RYR2: variants seen among roughly 807,000 people sequenced by gnomAD.
The protein encoded by RYR2 is ryanodine receptor 2.
In RYR2, 227 loss-of-function variants were observed where a neutral mutation model predicts 601.1. The observed-to-expected ratio is 0.38, with a 90% CI of 0.34 to 0.42. The LOEUF (loss-of-function observed/expected upper bound fraction) is 0.42, where lower values mean the gene tolerates loss of function less well. RYR2 is among the 10% of genes least tolerant of loss of function. The pLI is 1.00. For missense variants in RYR2, 4,646 were observed against 6,156.5 expected (o/e 0.75, Z 8.21); for synonymous variants, 2,223 against 2,175.1 (o/e 1.02, Z -0.61).
intron 62 of RYR2, among the ~76,000 whole-genome samples, chr1:237,685,446 C>A (rs1024519895): frequency 6.6e-6 from 1 of 152,160 alleles, no homozygotes; most frequent in Non-Finnish European, 1.5e-5. Flanking sequence ...AGACATAGAG[C>A]AGTCTGCCAT....
chr1:237,278,342 C>T (rs563534241), intron 2 of RYR2, among the ~76,000 whole-genome samples: 2 of 142,026 alleles, frequency 1.4e-5, no homozygotes, highest in South Asian at 4.6e-4. Flanking sequence ...CTTCCTTCCT[C>T]AGCCTCCCAA....
chr1:237,082,837 A>G (rs1260925447), intron 1 of RYR2, among the ~76,000 whole-genome samples: 2 of 152,066 alleles, frequency 1.3e-5, no homozygotes, highest in Non-Finnish European at 2.9e-5. Context: ...AGGTGATGTT[A>G]ATTCTTTGAT....
At position 237,640,931 on chromosome 1, in the gene RYR2, A is replaced by G; in HGVS notation, c.7150A>G (p.Met2384Val). Reference sequence around the variant, plus strand: ...GGAGGAGGAAGATGACACTATCCACATGGGGAACGCGATCATGACCTTCTA... The same window carrying G: ...GGAGGAGGAAGATGACACTATCCACGTGGGGAACGCGATCATGACCTTCTA... ...TEEEEDDTIH[M>V]GNAIMTFYSA... The change falls in exon 47 of 105, where the codon ATG becomes GTG. Residue 2384 changes from methionine to valine, a missense_variant. Met to Val is a conservative substitution (Grantham distance 21, BLOSUM62 1). Transcript: ENST00000366574. The G allele has an allele frequency of 6.2e-7, 1 of 1,613,648 alleles. No homozygotes were observed.
At chr1:237,506,632 A>G in intron 22 of RYR2, 78 bp from the exon 23 acceptor site, 1 of 921,434 alleles carries the variant, frequency 1.1e-6, no homozygotes, top group Non-Finnish European at 1.7e-6. Flanking sequence ...ATTTAGTTCA[A>G]TTTGCAGTGA....
intron 12 of RYR2, among the ~76,000 whole-genome samples, chr1:237,423,917 C>G (rs1323160823): frequency 6.6e-6 from 1 of 152,016 alleles, no homozygotes; most frequent in Non-Finnish European, 1.5e-5. Flanking sequence ...CTGGGAAGGC[C>G]TCAGGAAACT....
In RYR2 at chr1:237,182,103, GTTTATTTA is replaced by G. The variant is rs71698093; in HGVS notation, c.49-88366_49-88359del. Among the ~76,000 whole-genome samples the G allele has an allele frequency of 6.2e-3, 928 of 148,622 alleles. 9 individuals are homozygous for G. The highest frequency in any genetic ancestry group is 0.033 in the South Asian group (151 of 4,612). ...ATTATGTGAGATGAAACTCCCTGGG[GTTTATTTA>G]TTTATTTATTTATTTATTTATTTAT... On this transcript the variant is annotated intron_variant, in intron 1 of 104. Transcript: ENST00000366574.
chr1:237,771,934 A>G, intron 85 of RYR2, 78 bp from the exon 86 acceptor site: 1 of 775,472 alleles, frequency 1.3e-6, no homozygotes, highest in East Asian at 2.7e-5. Flanking sequence ...CATAGAAAGC[A>G]TTTGCCTTTG....
At chr1:237,371,028 GC>G (rs759811452) in intron 6 of RYR2, among the ~76,000 whole-genome samples, 188 of 151,702 alleles carry the variant, frequency 1.2e-3, no homozygotes, top group Non-Finnish European at 1.9e-3. Context: ...TTTGGAAGTT[GC>G]AGAAGAAAAA....
intron 93 of RYR2, 151 bp from the exon 94 acceptor site, chr1:237,791,954 C>T (rs1458735031): frequency 4.8e-6 from 3 of 625,178 alleles, no homozygotes; most frequent in Non-Finnish European, 8.3e-6. Flanking sequence ...TTTTGAAAAG[C>T]TATCGTTTTT....
At chr1:237,374,988 T>A (rs1196341518) in intron 7 of RYR2, among the ~76,000 whole-genome samples, 193 bp downstream of exon 7, 1 of 152,214 alleles carries the variant, frequency 6.6e-6, no homozygotes, top group Non-Finnish European at 1.5e-5. Flanking sequence ...CATCATTAGT[T>A]GGATGTTCAA....
At chr1:237,114,611 C>G (rs1669855196) in intron 1 of RYR2, among the ~76,000 whole-genome samples, 1 of 152,158 alleles carries the variant, frequency 6.6e-6, no homozygotes, top group Non-Finnish European at 1.5e-5. Context: ...AAATCATACT[C>G]TTGAGGGAAG....
At chr1:237,805,692 T>A (rs1660561420) in intron 98 of RYR2, among the ~76,000 whole-genome samples, 1 of 104,810 alleles carries the variant, frequency 9.5e-6, no homozygotes, top group South Asian at 3.0e-4. Context: ...TTAATTGACA[T>A]ATTCATGGGG....
At chr1:237,314,438 G>A (rs1353747459) in intron 2 of RYR2, among the ~76,000 whole-genome samples, 1 of 152,120 alleles carries the variant, frequency 6.6e-6, no homozygotes, top group Non-Finnish European at 1.5e-5. Flanking sequence ...TTAAGAAGAA[G>A]CTCTCTTTTA....
At chr1:237,666,187 T>C (rs187462650) in intron 56 of RYR2, among the ~76,000 whole-genome samples, 9 of 152,346 alleles carry the variant, frequency 5.9e-5, no homozygotes, top group African/African-American at 2.2e-4. Flanking sequence ...GTAAATTTCA[T>C]TGCAGCCAAT....
At chr1:237,466,757 T>C (rs1333418851) in intron 16 of RYR2, among the ~76,000 whole-genome samples, 1 of 152,048 alleles carries the variant, frequency 6.6e-6, no homozygotes, top group Non-Finnish European at 1.5e-5. Flanking sequence ...TTGCCTTGAG[T>C]ACACTTTTGG....
At chr1:237,166,014 C>T (rs1676676372) in intron 1 of RYR2, among the ~76,000 whole-genome samples, 1 of 151,976 alleles carries the variant, frequency 6.6e-6, no homozygotes, top group South Asian at 2.1e-4. Flanking sequence ...TTTTAAAAAT[C>T]CAATAAACAA....
At chr1:237,228,510 C>A (rs1414185454) in intron 1 of RYR2, among the ~76,000 whole-genome samples, 3 of 152,184 alleles carry the variant, frequency 2.0e-5, no homozygotes, top group Non-Finnish European at 4.4e-5. Context: ...ATCAATCAGC[C>A]TGTGGTAAAA....
At chr1:237,643,267 G>T (rs561316167) in intron 47 of RYR2, 60 bp from the exon 48 acceptor site, 4 of 1,587,580 alleles carry the variant, frequency 2.5e-6, no homozygotes, top group Admixed American at 1.7e-5. Flanking sequence ...AGATTTCCTA[G>T]ACAGAATTGT....
At chr1:237,228,824 T>C (rs1027618429) in intron 1 of RYR2, among the ~76,000 whole-genome samples, 1 of 152,232 alleles carries the variant, frequency 6.6e-6, no homozygotes, top group Admixed American at 6.5e-5. Flanking sequence ...TGTTATCAGA[T>C]GCCCATTGCC....
Sources: allele counts gnomAD v4.1 joint callset (sites outside exome capture counted in the v4.1 genomes callset), GRCh38; gene constraint gnomAD v4.1.1; transcripts MANE v1.5; gene names NCBI Gene and HGNC (gene_info 2026-07-23, HGNC 2026-07-21).